The following PPP1R12B variants were observed in gnomAD, a reference collection of about 807,000 sequenced individuals.
PPP1R12B encodes myosin phosphatase target subunit 2.
PPP1R12B carries 76 observed loss-of-function variants against 126.1 expected under a neutral mutation model. That is an observed-to-expected ratio of 0.60 (90% CI 0.50 to 0.73). PPP1R12B has a LOEUF of 0.73. Among genes scored for constraint, PPP1R12B ranks in the 30% least tolerant of loss-of-function variants. The pLI, the probability that PPP1R12B is intolerant of heterozygous loss-of-function variation, is 0.00. For synonymous variants in PPP1R12B, 356 were observed against 434.7 expected, an observed-to-expected ratio of 0.82 and a Z score of 2.25; for missense variants, 1,052 against 1,205.1, an observed-to-expected ratio of 0.87 and a Z score of 1.88.
chr1:202,535,101 A>G (rs1372602826), intron 18 of PPP1R12B, among the ~76,000 whole-genome samples: 1 of 151,316 alleles, frequency 6.6e-6, no homozygotes, highest in Non-Finnish European at 1.5e-5. Flanking sequence ...CCATATAACA[A>G]CTCTGTAAAT....
intron 10 of PPP1R12B, chr1:202,438,872 C>A: frequency 7.7e-7 from 1 of 1,305,886 alleles, no homozygotes; most frequent in Non-Finnish European, 1.1e-6. Flanking sequence ...ACTGCTATAG[C>A]CCCCAGGGCA....
At chr1:202,393,335 C>T (rs1664425795) in intron 1 of PPP1R12B, among the ~76,000 whole-genome samples, 2 of 151,798 alleles carry the variant, frequency 1.3e-5, no homozygotes, top group African/African-American at 4.8e-5. Context: ...AAATTTAAAA[C>T]ACATGAGAAA....
rs746596392 is a variant in PPP1R12B, at chr1:202,442,597, G to C, written c.1667+25G>C. The C allele has an allele frequency of 5.0e-6, 8 of 1,594,734 alleles. No individual in the cohort carries two copies. The East Asian group carries it at 1.8e-4, about 36-fold the overall frequency. ...GGTACCAGGCTCAAAGGGGGTGGGA[G>C]ATGTTTCTTTCACTCTAGCCATGGG... On this transcript the variant is annotated intron_variant, in intron 12 of 23. Coordinates refer to ENST00000608999, the MANE Select transcript of PPP1R12B (RefSeq NM_002481.4).
At chr1:202,578,458 A>G (rs1446579771) in intron 23 of PPP1R12B, among the ~76,000 whole-genome samples, 1 of 152,232 alleles carries the variant, frequency 6.6e-6, no homozygotes, top group South Asian at 2.1e-4. Flanking sequence ...CATTGAAATG[A>G]GTTTCCAAGC....
chr1:202,524,387 A>G (rs1558330973), intron 18 of PPP1R12B, among the ~76,000 whole-genome samples: 2 of 152,112 alleles, frequency 1.3e-5, no homozygotes, highest in South Asian at 2.1e-4. Context: ...TTTTTCCCAT[A>G]GATTTTGGGG....
At chr1:202,483,558 G>A (rs1677689042) in intron 13 of PPP1R12B, among the ~76,000 whole-genome samples, 1 of 152,162 alleles carries the variant, frequency 6.6e-6, no homozygotes, top group South Asian at 2.1e-4. Context: ...TCAGGTCAGA[G>A]CAGGTGATAG....
intron 23 of PPP1R12B, among the ~76,000 whole-genome samples, chr1:202,570,189 A>G (rs1408759928): frequency 6.6e-6 from 1 of 152,230 alleles, no homozygotes; most frequent in Non-Finnish European, 1.5e-5. Context: ...AAGCCAAAGC[A>G]CTGGGATAGT....
At chr1:202,566,750 C>G (rs1688087878) in intron 21 of PPP1R12B, among the ~76,000 whole-genome samples, 1 of 152,076 alleles carries the variant, frequency 6.6e-6, no homozygotes, top group African/African-American at 2.4e-5. Flanking sequence ...AGGTGAAAGC[C>G]CAGGACAGGA....
At chr1:202,558,930 C>T in intron 19 of PPP1R12B, 37 bp downstream of exon 19, 1 of 1,553,106 alleles carries the variant, frequency 6.4e-7, no homozygotes, top group Non-Finnish European at 8.7e-7. Context: ...ATGCTTAATA[C>T]TTGTGAGTGA....
intron 1 of PPP1R12B, among the ~76,000 whole-genome samples, chr1:202,357,011 G>T (rs190657173): frequency 1.3e-5 from 2 of 151,870 alleles, no homozygotes; most frequent in African/African-American, 2.4e-5. Context: ...TAGTAGAGAC[G>T]TGGTTTTGCC....
intron 13 of PPP1R12B, among the ~76,000 whole-genome samples, chr1:202,471,158 A>G (rs1209397375): frequency 1.3e-5 from 2 of 152,144 alleles, no homozygotes; most frequent in South Asian, 2.1e-4. Flanking sequence ...GCATACTTAT[A>G]TAATTCTTTC....
chr1:202,510,707 TTGA>T (rs1026309400), intron 18 of PPP1R12B, among the ~76,000 whole-genome samples: 1 of 152,012 alleles, frequency 6.6e-6, no homozygotes, highest in African/African-American at 2.4e-5. Flanking sequence ...CATATATTTA[TTGA>T]TGAGCCATTA....
chr1:202,446,152 A>T (rs1265406937), intron 12 of PPP1R12B, among the ~76,000 whole-genome samples: 1 of 149,908 alleles, frequency 6.7e-6, no homozygotes, highest in Non-Finnish European at 1.5e-5. Flanking sequence ...TAGACATGTT[A>T]ACTATTATCA....
chr1:202,362,151 G>C lies in PPP1R12B; in HGVS notation c.291+13009G>C. ...ATTTTTATTTTTTTTAAAGTTGGTT[G>C]GTCTAGCGATGAAATGTGACGTTAA... On this transcript the variant is annotated intron_variant, in intron 1 of 23. Transcript: ENST00000608999. Among the ~76,000 whole-genome samples the C allele has an allele frequency of 1.3e-5, 2 of 151,516 alleles. 1 individual carries two copies. Among genetic ancestry groups the C allele is most frequent in the African/African-American group, 4.9e-5 (2 of 41,204 alleles).
intron 1 of PPP1R12B, among the ~76,000 whole-genome samples, chr1:202,357,280 A>G (rs1441415382): frequency 6.6e-6 from 1 of 152,248 alleles, no homozygotes; most frequent in Non-Finnish European, 1.5e-5. Context: ...GAGGTATTTC[A>G]AGGAATGGAT....
intron 18 of PPP1R12B, among the ~76,000 whole-genome samples, chr1:202,525,384 GA>G (rs544599683): frequency 3.5e-4 from 51 of 145,310 alleles, no homozygotes; most frequent in East Asian, 1.4e-3. Flanking sequence ...CAGTGTGAGT[GA>G]AAAAAAAAAA....
intron 18 of PPP1R12B, chr1:202,527,548 T>C (rs1265184378): frequency 6.6e-6 from 1 of 152,148 alleles, no homozygotes; most frequent in East Asian, 1.9e-4. Context: ...TTGAGCAACT[T>C]TATGACAATA....
intron 1 of PPP1R12B, among the ~76,000 whole-genome samples, chr1:202,409,700 G>T (rs1667137529): frequency 6.6e-6 from 1 of 152,012 alleles, no homozygotes; most frequent in Admixed American, 6.6e-5. Context: ...GGTCTTGTGT[G>T]TTGCCCACGC....
intron 18 of PPP1R12B, among the ~76,000 whole-genome samples, chr1:202,556,146 T>C (rs1686910601): frequency 3.3e-5 from 5 of 152,136 alleles, no homozygotes; most frequent in Admixed American, 3.3e-4. Flanking sequence ...AAGCTGCTGG[T>C]ATTACAGGCG....
Sources: allele counts gnomAD v4.1 joint callset (sites outside exome capture counted in the v4.1 genomes callset), GRCh38; gene constraint gnomAD v4.1.1; transcripts MANE v1.5; gene names NCBI Gene and HGNC (gene_info 2026-07-23, HGNC 2026-07-21).